OSBPL6: variants seen among roughly 807,000 people sequenced by gnomAD.
OSBPL6 encodes the protein oxysterol binding protein like 6.
In OSBPL6, 49 loss-of-function variants were observed where a neutral mutation model predicts 125.8. The observed-to-expected ratio is 0.39, with a 90% CI of 0.31 to 0.49. The LOEUF is 0.49. Ranked by LOEUF, OSBPL6 falls within the 20% of genes least tolerant of loss-of-function variation. The probability of loss-of-function intolerance (pLI) is 0.88; values close to 1 mark genes in which losing one functional copy is unlikely to be tolerated. For synonymous variants in OSBPL6, 394 were observed against 391.8 expected (o/e 1.01, Z -0.07); for missense variants, 986 against 1,135.4 (o/e 0.87, Z 1.89).
At chr2:178,214,263 C>T (rs1183969782) in intron 1 of OSBPL6, among the ~76,000 whole-genome samples, 3 of 152,176 alleles carry the variant, frequency 2.0e-5, no homozygotes, top group Non-Finnish European at 4.4e-5. Flanking sequence ...CTACTTCCCA[C>T]TCCAAAATAA....
chr2:178,337,155 A>C (rs2154080315), intron 9 of OSBPL6, among the ~76,000 whole-genome samples: 1 of 152,300 alleles, frequency 6.6e-6, no homozygotes, highest in African/African-American at 2.4e-5. Flanking sequence ...GACCTTCAAA[A>C]CCGAGAAAAA....
chr2:178,387,618 C>T (rs10497516), intron 20 of OSBPL6, among the ~76,000 whole-genome samples: 7,755 of 152,160 alleles, frequency 0.051, 301 homozygotes, highest in East Asian at 0.14. Flanking sequence ...TTCGGTTTTA[C>T]CTATTTGAAT....
At chr2:178,267,835 A>T (rs1047247481) in intron 1 of OSBPL6, among the ~76,000 whole-genome samples, 3 of 148,504 alleles carry the variant, frequency 2.0e-5, no homozygotes, top group African/African-American at 7.4e-5. Context: ...AAAAAAAAAG[A>T]TGAGGTGTCA....
At chr2:178,374,173 T>A in intron 15 of OSBPL6, 146 bp downstream of exon 15, 1 of 992,676 alleles carries the variant, frequency 1.0e-6, no homozygotes, top group Non-Finnish European at 1.5e-6. Context: ...GCAGCAAAGC[T>A]AAAAGCATGC....
intron 15 of OSBPL6, among the ~76,000 whole-genome samples, chr2:178,378,046 C>A (rs1358568963): frequency 1.3e-5 from 2 of 152,152 alleles, no homozygotes; most frequent in Non-Finnish European, 2.9e-5. Flanking sequence ...CCAGGTTGGT[C>A]TTGAACACCT....
chr2:178,316,053 G>T (rs927121320), intron 3 of OSBPL6, among the ~76,000 whole-genome samples: 1 of 152,270 alleles, frequency 6.6e-6, no homozygotes, highest in African/African-American at 2.4e-5. Context: ...TTCTTACAAA[G>T]GTAAAGGAAA....
At chr2:178,318,769 G>A (rs1687983349) in intron 3 of OSBPL6, among the ~76,000 whole-genome samples, 1 of 152,216 alleles carries the variant, frequency 6.6e-6, no homozygotes. Context: ...GGTCATGGAA[G>A]GCACGGCTTC....
intron 12 of OSBPL6, among the ~76,000 whole-genome samples, chr2:178,352,884 C>T (rs1489286738): frequency 6.6e-6 from 1 of 152,184 alleles, no homozygotes; most frequent in Non-Finnish European, 1.5e-5. Flanking sequence ...TGAGACGAAG[C>T]TTCCAGAGGA....
chr2:178,312,981 C>T (rs1283891095), intron 3 of OSBPL6, among the ~76,000 whole-genome samples: 12 of 151,988 alleles, frequency 7.9e-5, no homozygotes, highest in Admixed American at 5.9e-4. Flanking sequence ...CTGCAACCTC[C>T]GCCACCCAGG....
At chr2:178,245,017 T>G (rs1559156155) in intron 1 of OSBPL6, among the ~76,000 whole-genome samples, 1 of 152,212 alleles carries the variant, frequency 6.6e-6, no homozygotes, top group African/African-American at 2.4e-5. Context: ...TATGCTCCGT[T>G]TCAGGGGTAA....
At chr2:178,282,644 G>A (rs969420680) in intron 1 of OSBPL6, among the ~76,000 whole-genome samples, 1 of 151,996 alleles carries the variant, frequency 6.6e-6, no homozygotes, top group Non-Finnish European at 1.5e-5. Context: ...GGCTAAGGGA[G>A]TTTCTGCTTT....
At position 178,332,772 on chromosome 2, in the gene OSBPL6, C is replaced by T. The variant is rs1368251567; in HGVS notation, c.486+18C>T. 1 of 1,612,288 alleles carries T rather than the reference C, an allele frequency of 6.2e-7. No homozygotes were observed. The highest frequency in any genetic ancestry group is 1.7e-5 in the Admixed American group (1 of 59,992). ...ATTTGAAGGTGAAATCAGTTTTCAA[C>T]AGTTTCTCTGCCATTATCAGGGGAA... On this transcript the variant is annotated intron_variant, in intron 7 of 24. Transcript: ENST00000190611.
chr2:178,255,001 G>T (rs569539679), intron 1 of OSBPL6, among the ~76,000 whole-genome samples: 1 of 152,264 alleles, frequency 6.6e-6, no homozygotes, highest in South Asian at 2.1e-4. Context: ...TTACAGGGTG[G>T]CAGGCAAGAG....
chr2:178,331,428 C>T (rs1689185528), intron 5 of OSBPL6, 124 bp from the exon 6 acceptor site: 1 of 1,000,370 alleles, frequency 1.0e-6, no homozygotes, highest in African/African-American at 1.6e-5. Context: ...TGCACTGAAT[C>T]CAGATACATT....
Position 178,324,263 on chromosome 2 carries a change from C to A in OSBPL6, c.189C>A (p.Leu63=). The part of the protein sequence containing the change: ...RQLLEPEPVP[L]SKEADSWEII... Reference sequence around the variant, plus strand: ...TGCTAGAACCGGAGCCAGTCCCCCTCTCCAAGGTCAGTGATGAAATGCGGT... The same window carrying A: ...TGCTAGAACCGGAGCCAGTCCCCCTATCCAAGGTCAGTGATGAAATGCGGT... Residue 63 remains leucine, a synonymous_variant, in exon 4 of 25, where the codon CTC becomes CTA. Transcript: ENST00000190611. The A allele has an allele frequency of 6.4e-7, 1 of 1,565,694 alleles. No individual in the cohort carries two copies. Among genetic ancestry groups the A allele is most frequent in the Admixed American group, 1.7e-5 (1 of 57,152 alleles).
chr2:178,228,484 A>G (rs548200890), intron 1 of OSBPL6, among the ~76,000 whole-genome samples: 45 of 152,316 alleles, frequency 3.0e-4, no homozygotes, highest in East Asian at 1.5e-3. Context: ...GCAGTGAGCC[A>G]AGATTGTGCC....
At chr2:178,305,097 T>C (rs1319725242) in intron 2 of OSBPL6, among the ~76,000 whole-genome samples, 1 of 152,202 alleles carries the variant, frequency 6.6e-6, no homozygotes, top group East Asian at 1.9e-4. Context: ...CCTACACAAG[T>C]GTTCTGGTGT....
intron 20 of OSBPL6, among the ~76,000 whole-genome samples, chr2:178,387,453 A>G (rs894226245): frequency 1.3e-5 from 2 of 152,332 alleles, no homozygotes; most frequent in Non-Finnish European, 2.9e-5. Flanking sequence ...TTGCTATACA[A>G]TTCAGTTTCA....
At chr2:178,367,137 A>C (rs1308519160) in intron 13 of OSBPL6, among the ~76,000 whole-genome samples, 1 of 152,224 alleles carries the variant, frequency 6.6e-6, no homozygotes, top group African/African-American at 2.4e-5. Context: ...TAAGGGGCAG[A>C]TACAGTATGT....
Sources: allele counts gnomAD v4.1 joint callset (sites outside exome capture counted in the v4.1 genomes callset), GRCh38; gene constraint gnomAD v4.1.1; transcripts MANE v1.5; gene names NCBI Gene and HGNC (gene_info 2026-07-23, HGNC 2026-07-21).